Variants in MBOAT2 observed in about 807,000 individuals in gnomAD.
The protein encoded by MBOAT2 is membrane bound glycerophospholipid O-acyltransferase 2, also known as membrane-bound glycerophospholipid O-acyltransferase 2.
A neutral mutation model predicts 63.4 loss-of-function variants in MBOAT2; 28 were observed. That is an observed-to-expected ratio of 0.44 (90% CI 0.33 to 0.61). MBOAT2 has a LOEUF of 0.61. MBOAT2 is among the 20% of genes least tolerant of loss of function. The pLI is 0.03. For synonymous variants in MBOAT2, 211 were observed against 215.6 expected (o/e 0.98, Z 0.19); for missense variants, 470 against 605.8 (o/e 0.78, Z 2.35).
At chr2:8,963,747 C>T (rs1207942944) in intron 1 of MBOAT2, among the ~76,000 whole-genome samples, 5 of 152,164 alleles carry the variant, frequency 3.3e-5, no homozygotes, top group South Asian at 2.1e-4. Context: ...TATGTATATA[C>T]ATTCATTTAT....
rs973678932 is a variant in MBOAT2, at chr2:8,864,275, A to T, written c.988-41T>A. The T allele has an allele frequency of 9.7e-6, 12 of 1,242,764 alleles. No individual in the cohort carries two copies. The Admixed American group carries it at 2.8e-4, about 29-fold the overall frequency. The allele number at this position is 1,242,764 out of a possible 1,614,324, so 77.0% of individuals were successfully genotyped here. On this transcript the variant is annotated intron_variant, in intron 9 of 12. Coordinates refer to ENST00000305997, the MANE Select transcript of MBOAT2 (RefSeq NM_138799.4). ...ACTTTTTTCTTTGTGTCACAAAATA[A>T]TGAAGCTTTAAATATAATAATATAT...
At chr2:8,871,269 A>G (rs578048367) in intron 8 of MBOAT2, among the ~76,000 whole-genome samples, 2 of 152,292 alleles carry the variant, frequency 1.3e-5, no homozygotes, top group Admixed American at 6.5e-5. Flanking sequence ...ACATGCTGGG[A>G]TTACAGGTAT....
At position 8,954,749 on chromosome 2, in the gene MBOAT2, T is replaced by C. The variant is rs151022459; in HGVS notation, c.221+3748A>G. On this transcript the variant is annotated intron_variant, in intron 2 of 12. Coordinates refer to ENST00000305997, the MANE Select transcript of MBOAT2 (RefSeq NM_138799.4). ...TGCTCTGAATGCCTGTAGATTTGCC[T>C]GGGTGTGGAGCAGAGAGAGCCTCAC... 3.3e-3 allele frequency among the ~76,000 whole-genome samples: 500 copies of C among 152,226 alleles called. 10 individuals carry two copies. In the East Asian group the frequency reaches 0.035, roughly 11 times the overall value.
intron 1 of MBOAT2, among the ~76,000 whole-genome samples, chr2:8,973,633 T>C (rs1014171671): frequency 1.2e-4 from 18 of 147,104 alleles, no homozygotes; most frequent in Admixed American, 2.7e-4. Context: ...CACATATCAA[T>C]AATAAAAACA....
chr2:8,890,532 T>C (rs1423657078), intron 4 of MBOAT2, among the ~76,000 whole-genome samples: 4 of 152,180 alleles, frequency 2.6e-5, no homozygotes, highest in Non-Finnish European at 5.9e-5. Flanking sequence ...TAAAAAAATG[T>C]CTTTTTCATC....
intron 3 of MBOAT2, among the ~76,000 whole-genome samples, chr2:8,924,970 A>G (rs1666838933): frequency 2.0e-5 from 3 of 152,168 alleles, no homozygotes; most frequent in Non-Finnish European, 2.9e-5. Context: ...TAGTATCTCA[A>G]TAAGTACATA....
chr2:8,906,033 C>A (rs527276847), intron 4 of MBOAT2, among the ~76,000 whole-genome samples: 6 of 152,208 alleles, frequency 3.9e-5, no homozygotes, highest in African/African-American at 1.4e-4. Flanking sequence ...TCTCAGCTCA[C>A]TGCAACCTCT....
Position 9,003,362 on chromosome 2 carries a change from G to A in MBOAT2, c.75+178C>T, listed in dbSNP as rs1039741183. On this transcript the variant is annotated intron_variant, in intron 1 of 12. Transcript: ENST00000305997. This position sits in a 1 kb window ranked among gnomAD's most constrained non-coding sequence, Gnocchi z 5.4. ...GGGCTGGGGGCGCACCCAGGAGGGAGGGGGCTCTGGGACAATAACCGGCTT... is the reference window on the plus strand; with the variant it reads ...GGGCTGGGGGCGCACCCAGGAGGGAAGGGGCTCTGGGACAATAACCGGCTT... Among the ~76,000 whole-genome samples, 2 of 151,806 alleles carry A rather than the reference G, an allele frequency of 1.3e-5. No homozygotes were observed. The highest frequency in any genetic ancestry group is 2.4e-5 in the African/African-American group (1 of 41,344).
rs377731547 is a variant in MBOAT2 at position 8,863,462 on chromosome 2, C to T, written c.1052+708G>A. Among the ~76,000 whole-genome samples the T allele has an allele frequency of 3.6e-3, 545 of 152,234 alleles. 6 individuals carry two copies. Among genetic ancestry groups the T allele is most frequent in the Non-Finnish European group, 6.3e-3 (426 of 68,022 alleles). ...AGAACCCCTGGGAGGGTGTGCTGTT[C>T]CCCAGCTCTGTCCTTCGCACCTGTT... On this transcript the variant is annotated intron_variant, in intron 10 of 12. Coordinates refer to ENST00000305997, the MANE Select transcript of MBOAT2 (RefSeq NM_138799.4).
chr2:8,969,166 G>A (rs973853658), intron 1 of MBOAT2, among the ~76,000 whole-genome samples: 17 of 152,050 alleles, frequency 1.1e-4, no homozygotes, highest in African/African-American at 1.7e-4. Flanking sequence ...GACTAACAGC[G>A]GATCTCTCGG....
chr2:8,973,462 T>A (rs1177382787), intron 1 of MBOAT2, among the ~76,000 whole-genome samples: 1 of 151,454 alleles, frequency 6.6e-6, no homozygotes, highest in Non-Finnish European at 1.5e-5. Context: ...GGCACATGTA[T>A]ACATATGTAA....
chr2:8,978,623 T>C (rs550265668), intron 1 of MBOAT2, among the ~76,000 whole-genome samples: 6 of 151,902 alleles, frequency 3.9e-5, no homozygotes, highest in Non-Finnish European at 5.9e-5. Flanking sequence ...TGAGAACACA[T>C]AGACACAGGG....
rs1453669665 is a variant in MBOAT2 at position 8,903,510 on chromosome 2, CT to C, written c.395+5110del. The stretch of plus-strand genomic sequence containing the variant: ...TTTGGTGGGTACACTAAAAGCAACT[CT>C]TTCAGTACCACAGAAATCAACATAT... On this transcript the variant is annotated intron_variant, in intron 4 of 12. Coordinates refer to ENST00000305997, the MANE Select transcript of MBOAT2 (RefSeq NM_138799.4). 3.3e-5 allele frequency among the ~76,000 whole-genome samples: 5 copies of C among 152,074 alleles called. No individual in the cohort carries two copies. The East Asian group carries it at 9.7e-4, about 29-fold the overall frequency.
intron 1 of MBOAT2, among the ~76,000 whole-genome samples, chr2:8,981,653 G>A (rs1215552522): frequency 1.3e-5 from 2 of 152,092 alleles, no homozygotes; most frequent in Non-Finnish European, 2.9e-5. Context: ...ATGAGAGAGG[G>A]GGTAGGGCAG....
intron 1 of MBOAT2, among the ~76,000 whole-genome samples, chr2:8,961,273 C>T (rs530704142): frequency 2.0e-5 from 3 of 152,310 alleles, no homozygotes; most frequent in South Asian, 2.1e-4. Context: ...CACTATCTTC[C>T]GCCTCTCAGT....
intron 1 of MBOAT2, among the ~76,000 whole-genome samples, chr2:8,995,179 C>A (rs917137301): frequency 1.3e-5 from 2 of 152,158 alleles, no homozygotes; most frequent in East Asian, 3.9e-4. Flanking sequence ...TGCAGTGAGC[C>A]GAGATTGAGC....
chr2:8,863,179 A>G (rs1474501061), intron 10 of MBOAT2, among the ~76,000 whole-genome samples: 1 of 152,192 alleles, frequency 6.6e-6, no homozygotes, highest in Non-Finnish European at 1.5e-5. Context: ...AGTTTCCCTA[A>G]GGTATCAAAT....
At chr2:8,865,439 G>C (rs1361679938) in intron 9 of MBOAT2, among the ~76,000 whole-genome samples, 1 of 152,110 alleles carries the variant, frequency 6.6e-6, no homozygotes, top group Non-Finnish European at 1.5e-5. Context: ...AACAGGAGAA[G>C]TGGTCCTTCT....
chr2:8,987,157 G>A (rs540880042), intron 1 of MBOAT2, among the ~76,000 whole-genome samples: 1 of 152,196 alleles, frequency 6.6e-6, no homozygotes, highest in East Asian at 1.9e-4. Flanking sequence ...CCGGATGTGG[G>A]GTATGTGGAA....
Sources: allele counts gnomAD v4.1 joint callset (sites outside exome capture counted in the v4.1 genomes callset), GRCh38; gene constraint gnomAD v4.1.1; non-coding constraint Gnocchi (gnomAD v3.1); transcripts MANE v1.5; gene names NCBI Gene and HGNC (gene_info 2026-07-23, HGNC 2026-07-21).